The following TLN2 variants were observed in gnomAD, a reference collection of about 807,000 sequenced individuals.
TLN2 encodes talin-2.
A neutral mutation model predicts 294.7 loss-of-function variants in TLN2; 118 were observed. The ratio of observed to expected loss-of-function variants is 0.40; its 90% confidence interval spans 0.34 to 0.47. The LOEUF (loss-of-function observed/expected upper bound fraction) is 0.47. Ranked by LOEUF, TLN2 falls within the 20% of genes least tolerant of loss-of-function variation. TLN2 has a pLI of 0.84. For missense variants in TLN2, 3,083 were observed against 3,282.2 expected (o/e 0.94, Z 1.48); for synonymous variants, 1,431 against 1,304.5 (o/e 1.10, Z -2.09).
At chr15:62,767,921 A>G (rs1043244711) in intron 41 of TLN2, among the ~76,000 whole-genome samples, 1 of 152,210 alleles carries the variant, frequency 6.6e-6, no homozygotes, top group Non-Finnish European at 1.5e-5. Context: ...TTCCTATGTT[A>G]GTGGTTAGCA....
rs2042482838 is a variant in TLN2, at chr15:62,554,243, C to G, written c.-237-35444C>G. On this transcript the variant is annotated intron_variant, in intron 1 of 58. Transcript: ENST00000636159. ...GGCAGGAGAAAAGAGGATATTAAAG[C>G]TTGGTTGATGCTCATTCATGTATTT... Among the ~76,000 whole-genome samples, 4 of 151,164 alleles carry G rather than the reference C, an allele frequency of 2.6e-5. No individual in the cohort carries two copies. The South Asian group carries it at 8.5e-4, about 32-fold the overall frequency.
intron 12 of TLN2, among the ~76,000 whole-genome samples, chr15:62,688,682 T>C (rs2057505632): frequency 6.6e-6 from 1 of 152,176 alleles, no homozygotes; most frequent in African/African-American, 2.4e-5. Flanking sequence ...TTTGAAGCTT[T>C]GTTGTTTGAT....
At chr15:62,737,117 C>CA (rs781273406) in intron 29 of TLN2, 31 bp downstream of exon 29, 2 of 1,610,608 alleles carry the variant, frequency 1.2e-6, no homozygotes, top group Non-Finnish European at 1.7e-6. Context: ...TTGTGGTTGT[C>CA]ATGGTCATCA....
chr15:62,440,954 A>C (rs1210261418), intron 1 of TLN2, among the ~76,000 whole-genome samples: 1 of 152,218 alleles, frequency 6.6e-6, no homozygotes. Context: ...TGTGGAAACA[A>C]AGCCAGGTTC....
At chr15:62,418,312 A>G (rs1204083622) in intron 1 of TLN2, among the ~76,000 whole-genome samples, 3 of 152,130 alleles carry the variant, frequency 2.0e-5, no homozygotes, top group Non-Finnish European at 4.4e-5. Flanking sequence ...GCAATGATAG[A>G]CTATTCTAGA....
intron 1 of TLN2, among the ~76,000 whole-genome samples, chr15:62,455,839 T>G (rs2036444690): frequency 6.6e-6 from 1 of 152,190 alleles, no homozygotes; most frequent in Non-Finnish European, 1.5e-5. Flanking sequence ...CGTCCTGTCC[T>G]CCGAGCCAGT....
intron 42 of TLN2, among the ~76,000 whole-genome samples, chr15:62,773,389 T>C (rs767315859): frequency 2.6e-5 from 4 of 151,990 alleles, no homozygotes; most frequent in Non-Finnish European, 5.9e-5. Flanking sequence ...AAGCATTAGA[T>C]GATGAAGTAA....
chr15:62,670,346 T>G (rs2055249713), intron 9 of TLN2, among the ~76,000 whole-genome samples: 1 of 152,216 alleles, frequency 6.6e-6, no homozygotes. Flanking sequence ...GGTCAGAGGC[T>G]CTCTGCTACT....
At chr15:62,665,657 T>C (rs1477384830) in intron 9 of TLN2, among the ~76,000 whole-genome samples, 1 of 151,468 alleles carries the variant, frequency 6.6e-6, no homozygotes, top group Non-Finnish European at 1.5e-5. Flanking sequence ...TATGAATCTT[T>C]GTTGAGAAAG....
chr15:62,695,584 A>T (rs114407359), intron 14 of TLN2, among the ~76,000 whole-genome samples: 2 of 152,168 alleles, frequency 1.3e-5, no homozygotes, highest in African/African-American at 4.8e-5. Flanking sequence ...GCATCTTCCA[A>T]TCCATTAAAC....
At chr15:62,827,387 C>T (rs995196855) in intron 54 of TLN2, among the ~76,000 whole-genome samples, 2 of 152,104 alleles carry the variant, frequency 1.3e-5, no homozygotes, top group East Asian at 1.9e-4. Context: ...TTTTAGTCAC[C>T]GCCTTCTAAG....
At chr15:62,747,780 A>G (rs140304228) in intron 32 of TLN2, among the ~76,000 whole-genome samples, 1 of 152,368 alleles carries the variant, frequency 6.6e-6, no homozygotes, top group Non-Finnish European at 1.5e-5. Context: ...TGCTGATACC[A>G]TGAACAGTTA....
chr15:62,460,625 A>G (rs538552785), intron 1 of TLN2, among the ~76,000 whole-genome samples: 10 of 152,278 alleles, frequency 6.6e-5, no homozygotes, highest in South Asian at 2.1e-4. Context: ...GGGAAGCTCT[A>G]TGTCAGGTGC....
At chr15:62,552,168 C>T (rs1046350776) in intron 1 of TLN2, among the ~76,000 whole-genome samples, 1 of 152,176 alleles carries the variant, frequency 6.6e-6, no homozygotes, top group African/African-American at 2.4e-5. Context: ...TATCAAATGT[C>T]CCCTAGGGAA....
intron 2 of TLN2, among the ~76,000 whole-genome samples, chr15:62,609,845 AT>A (rs1056341064): frequency 2.6e-5 from 4 of 152,146 alleles, no homozygotes; most frequent in African/African-American, 9.7e-5. Context: ...TTATTTATTC[AT>A]TTATTTATAC....
chr15:62,670,943 C>G (rs77625147), intron 9 of TLN2, among the ~76,000 whole-genome samples: 1 of 152,196 alleles, frequency 6.6e-6, no homozygotes, highest in Non-Finnish European at 1.5e-5. Context: ...TTTGTCAACA[C>G]TTGCTGTTGT....
At chr15:62,505,903 T>C (rs867776583) in intron 1 of TLN2, among the ~76,000 whole-genome samples, 12 of 152,160 alleles carry the variant, frequency 7.9e-5, no homozygotes, top group African/African-American at 2.2e-4. Context: ...CCAAATGTCA[T>C]TGAACCTCCA....
At chr15:62,785,901 A>G (rs1276526293) in intron 45 of TLN2, among the ~76,000 whole-genome samples, 1 of 152,244 alleles carries the variant, frequency 6.6e-6, no homozygotes, top group Non-Finnish European at 1.5e-5. Flanking sequence ...CAAAACAGCA[A>G]GGAAAGAGAA....
intron 41 of TLN2, among the ~76,000 whole-genome samples, chr15:62,769,131 A>G (rs2063196740): frequency 6.6e-6 from 1 of 152,222 alleles, no homozygotes; most frequent in African/African-American, 2.4e-5. Context: ...AGTTGCATTG[A>G]TGAAACATAC....
Sources: allele counts gnomAD v4.1 joint callset (sites outside exome capture counted in the v4.1 genomes callset), GRCh38; gene constraint gnomAD v4.1.1; transcripts MANE v1.5; gene names NCBI Gene and HGNC (gene_info 2026-07-23, HGNC 2026-07-21).